The following PCDH15 variants were observed in gnomAD, a reference collection of about 807,000 sequenced individuals.
PCDH15 encodes the protein protocadherin-15.
A neutral mutation model predicts 178.5 loss-of-function variants in PCDH15; 129 were observed. That is an observed-to-expected ratio of 0.72 (90% CI 0.63 to 0.84). The LOEUF is 0.84. PCDH15 is among the 40% of genes least tolerant of loss of function. PCDH15 has a pLI of 0.00. For missense variants in PCDH15, 2,230 were observed against 2,099.9 expected, an observed-to-expected ratio of 1.06 and a Z score of -1.21; for synonymous variants, 800 against 732.0, an observed-to-expected ratio of 1.09 and a Z score of -1.50.
At chr10:54,919,412 G>A (rs1035045913) in intron 2 of PCDH15, among the ~76,000 whole-genome samples, 10 of 152,042 alleles carry the variant, frequency 6.6e-5, no homozygotes, top group Non-Finnish European at 1.3e-4. Context: ...TTTCACCCAC[G>A]TTTTGTACTT....
chr10:54,783,932 T>C (rs2133444396), intron 1 of PCDH15, among the ~76,000 whole-genome samples: 1 of 152,206 alleles, frequency 6.6e-6, no homozygotes, highest in East Asian at 1.9e-4. Flanking sequence ...GACTCAGAGT[T>C]CAGCCTGGCT....
intron 6 of PCDH15, among the ~76,000 whole-genome samples, chr10:54,332,486 C>T (rs1345311402): frequency 6.8e-6 from 1 of 147,450 alleles, no homozygotes; most frequent in Non-Finnish European, 1.5e-5. Flanking sequence ...GGCCATGGCT[C>T]TTCACACCTG....
intron 3 of PCDH15, among the ~76,000 whole-genome samples, chr10:54,485,908 G>A (rs1264690002): frequency 1.3e-5 from 2 of 152,016 alleles, no homozygotes; most frequent in Admixed American, 1.3e-4. Context: ...AATATTAGAA[G>A]TTGGGGCAAA....
intron 1 of PCDH15, among the ~76,000 whole-genome samples, chr10:54,771,929 T>G (rs1591547711): frequency 6.6e-6 from 1 of 152,140 alleles, no homozygotes; most frequent in Non-Finnish European, 1.5e-5. Context: ...TCTACCTTAT[T>G]GTACCACATT....
chr10:55,339,990 C>T (rs1346158844), intron 2 of PCDH15, among the ~76,000 whole-genome samples: 1 of 150,914 alleles, frequency 6.6e-6, no homozygotes, highest in African/African-American at 2.4e-5. Flanking sequence ...AAGAGACTGT[C>T]GTATCTTATC....
At chr10:55,498,831 T>A (rs1030177641) in intron 2 of PCDH15, among the ~76,000 whole-genome samples, 1 of 151,764 alleles carries the variant, frequency 6.6e-6, no homozygotes, top group Non-Finnish European at 1.5e-5. Flanking sequence ...GAAGACCCCA[T>A]ACAGAACGGG....
At chr10:55,250,942 A>G (rs1465180733) in intron 1 of PCDH15, among the ~76,000 whole-genome samples, 2 of 152,132 alleles carry the variant, frequency 1.3e-5, no homozygotes, top group African/African-American at 4.8e-5. Flanking sequence ...GGTAGGAAGT[A>G]TTTATATTCC....
chr10:54,797,507 A>AACACACACACACAC (rs71014418), intron 1 of PCDH15, among the ~76,000 whole-genome samples: 3 of 145,184 alleles, frequency 2.1e-5, no homozygotes, highest in Non-Finnish European at 4.5e-5. Flanking sequence ...TTATTGTTGA[A>AACACACACACACAC]ACACACACAC....
chr10:54,313,553 A>G (rs2061038761), intron 8 of PCDH15, among the ~76,000 whole-genome samples: 2 of 152,114 alleles, frequency 1.3e-5, no homozygotes, highest in African/African-American at 4.8e-5. Flanking sequence ...GCCAGAAAAA[A>G]CCTGCTATCA....
chr10:54,703,778 C>T (rs1157544554), intron 1 of PCDH15, among the ~76,000 whole-genome samples: 1 of 151,684 alleles, frequency 6.6e-6, no homozygotes, highest in Non-Finnish European at 1.5e-5. Context: ...AGAATCAATA[C>T]TGTAAAAAGT....
chr10:55,111,060 G>C (rs1440316435), intron 2 of PCDH15, among the ~76,000 whole-genome samples: 1 of 152,010 alleles, frequency 6.6e-6, no homozygotes, highest in East Asian at 1.9e-4. Flanking sequence ...GTCAAACATA[G>C]TCTATTTCTG....
chr10:55,004,054 A>G (rs1158185241), intron 2 of PCDH15, among the ~76,000 whole-genome samples: 1 of 68,872 alleles, frequency 1.5e-5, no homozygotes, highest in East Asian at 8.1e-4. Context: ...GATACTTGCT[A>G]TATTTTTTGT....
At chr10:53,991,944 A>G (rs185196227) in intron 21 of PCDH15, among the ~76,000 whole-genome samples, 243 of 152,264 alleles carry the variant, frequency 1.6e-3, no homozygotes, top group African/African-American at 5.5e-3. Flanking sequence ...CCAAGCCAGC[A>G]GCCGCAACCC....
chr10:55,588,311 T>G (rs1408360518), intron 2 of PCDH15, among the ~76,000 whole-genome samples: 1 of 152,194 alleles, frequency 6.6e-6, no homozygotes, highest in Non-Finnish European at 1.5e-5. Flanking sequence ...ACAAACTTCT[T>G]TGTGAGGTTT....
intron 2 of PCDH15, among the ~76,000 whole-genome samples, chr10:54,532,889 T>C (rs1306354767): frequency 6.6e-6 from 1 of 152,072 alleles, no homozygotes; most frequent in African/African-American, 2.4e-5. Context: ...ATGTACATGC[T>C]AGGTTCATTG....
In PCDH15 at chr10:55,098,895, T is replaced by TGAGAGA. The variant is rs10535301; in HGVS notation, c.-80+67675_-80+67680dup. ...ATGTGTTCTTTCATTAAAACTTCAA[T>TGAGAGA]GAGAGAGAGAGAGAGAGAGAGAGAG... is the stretch of plus-strand genomic sequence containing the variant. On this transcript the variant is annotated intron_variant, in intron 2 of 5. Coordinates refer to the PCDH15 transcript ENST00000458638. Among the ~76,000 whole-genome samples the TGAGAGA allele has an allele frequency of 8.3e-3, 993 of 120,196 alleles. 41 individuals carry two copies. Among genetic ancestry groups the TGAGAGA allele is most frequent in the African/African-American group, 0.03 (884 of 29,260 alleles). 78.9% of individuals were successfully genotyped at this position (120,196 alleles called of 152,430 possible). A position where few individuals can be genotyped will look rare whatever the true frequency, so the allele number is the denominator to read the frequency against.
intron 3 of PCDH15, among the ~76,000 whole-genome samples, chr10:54,404,962 T>C (rs1004518376): frequency 2.0e-5 from 3 of 151,862 alleles, no homozygotes; most frequent in Non-Finnish European, 4.4e-5. Context: ...CTCGCACCAG[T>C]CAAAATGGCT....
chr10:54,154,260 T>C (rs1186471776), intron 13 of PCDH15, among the ~76,000 whole-genome samples: 7 of 152,260 alleles, frequency 4.6e-5, no homozygotes, highest in Admixed American at 2.0e-4. Flanking sequence ...TAGTATTTTC[T>C]GTATTCATCA....
chr10:54,275,476 A>C (rs1480329739), intron 8 of PCDH15, among the ~76,000 whole-genome samples: 2 of 151,880 alleles, frequency 1.3e-5, no homozygotes, highest in African/African-American at 2.4e-5. Context: ...GCCCCTGATG[A>C]TATGCCAATT....
Sources: gnomAD v4.1 joint callset for allele counts (sites outside exome capture counted in the v4.1 genomes callset) on GRCh38, gnomAD v4.1.1 for gene constraint, MANE v1.5 for transcripts, NCBI Gene and HGNC (gene_info 2026-07-23, HGNC 2026-07-21) for gene names.